Variants in PIK3C3 observed in about 807,000 individuals in gnomAD.
PIK3C3 encodes the protein phosphatidylinositol 3-kinase catalytic subunit type 3.
In PIK3C3, 95 loss-of-function variants were observed where a neutral mutation model predicts 126.1. The observed-to-expected ratio is 0.75, with a 90% CI of 0.64 to 0.89. The LOEUF is 0.89. PIK3C3 is among the 40% of genes least tolerant of loss of function. The probability of loss-of-function intolerance (pLI) is 0.00; values close to 1 mark genes in which losing one functional copy is unlikely to be tolerated. For synonymous variants in PIK3C3, 374 were observed against 360.0 expected (o/e 1.04, Z -0.44); for missense variants, 829 against 1,063.2 (o/e 0.78, Z 3.06).
chr18:42,062,691 C>G (rs772496899), intron 22 of PIK3C3, among the ~76,000 whole-genome samples: 9 of 151,894 alleles, frequency 5.9e-5, no homozygotes, highest in Non-Finnish European at 1.2e-4. Flanking sequence ...TGACTTTAAA[C>G]TAATATCACT....
intron 24 of PIK3C3, among the ~76,000 whole-genome samples, chr18:42,070,945 A>G (rs533690993): frequency 4.3e-4 from 66 of 152,346 alleles, no homozygotes; most frequent in African/African-American, 1.4e-3. Flanking sequence ...ACAGATTATT[A>G]TAATTCTTGA....
chr18:41,990,237 G>A (rs1447362322), intron 5 of PIK3C3, among the ~76,000 whole-genome samples: 3 of 152,216 alleles, frequency 2.0e-5, no homozygotes, highest in East Asian at 1.9e-4. Context: ...GCAGTTATAA[G>A]TGCATAGTAG....
At chr18:42,023,996 C>T (rs1369364276) in intron 13 of PIK3C3, among the ~76,000 whole-genome samples, 1 of 152,130 alleles carries the variant, frequency 6.6e-6, no homozygotes, top group Non-Finnish European at 1.5e-5. Flanking sequence ...GTTACAGTCT[C>T]CAGTTTGTAA....
chr18:42,069,639 CAG>C (rs1029704480), intron 24 of PIK3C3, among the ~76,000 whole-genome samples: 1 of 152,160 alleles, frequency 6.6e-6, no homozygotes, highest in Non-Finnish European at 1.5e-5. Flanking sequence ...ATTTCTGTAG[CAG>C]GGGATTTACC....
intron 13 of PIK3C3, among the ~76,000 whole-genome samples, chr18:42,020,912 A>G (rs568754180): frequency 2.0e-5 from 3 of 152,336 alleles, no homozygotes; most frequent in South Asian, 4.1e-4. Flanking sequence ...CACTAAGGAT[A>G]TAACTTTCCA....
At chr18:41,956,110 T>G (rs1009128012) in intron 1 of PIK3C3, among the ~76,000 whole-genome samples, 1 of 152,174 alleles carries the variant, frequency 6.6e-6, no homozygotes, top group African/African-American at 2.4e-5. Flanking sequence ...GTCAAAGCTA[T>G]CACAAATTAT....
At chr18:41,990,407 TA>T in intron 5 of PIK3C3, 51 bp from the exon 6 acceptor site, 1 of 1,039,224 alleles carries the variant, frequency 9.6e-7, no homozygotes, top group South Asian at 1.3e-5. Flanking sequence ...ACTGATCCTT[TA>T]AGAGAATGTT....
At chr18:42,004,821 C>G (rs867966207) in intron 10 of PIK3C3, among the ~76,000 whole-genome samples, 14 of 152,142 alleles carry the variant, frequency 9.2e-5, no homozygotes, top group Admixed American at 2.0e-4. Context: ...TTGTATTGCT[C>G]TGTCTGGAAG....
chr18:41,969,603 T>G (rs2144310196), intron 3 of PIK3C3, among the ~76,000 whole-genome samples: 1 of 152,362 alleles, frequency 6.6e-6, no homozygotes, highest in South Asian at 2.1e-4. Context: ...TTTGTATGAA[T>G]CTACTATTGT....
In PIK3C3 at chr18:42,054,144, A is replaced by G. The variant is rs1260186388; in HGVS notation, c.2264-3739A>G. On this transcript the variant is annotated intron_variant, in intron 21 of 24. Coordinates refer to ENST00000262039, the MANE Select transcript of PIK3C3 (RefSeq NM_002647.4). Reference sequence around the variant, plus strand: ...ACTAATGGTATATATATATATATATATATATATATATATATATATATATAT... The same window carrying G: ...ACTAATGGTATATATATATATATATGTATATATATATATATATATATATAT... 2.1e-3 allele frequency among the ~76,000 whole-genome samples: 38 copies of G among 17,908 alleles called. 2 individuals are homozygous for G. Among genetic ancestry groups the G allele is most frequent in the East Asian group, 7.2e-3 (5 of 698 alleles). 11.7% of individuals were successfully genotyped at this position (17,908 alleles called of 152,430 possible).
chr18:42,013,343 A>G (rs1048365880), intron 10 of PIK3C3, 99 bp from the exon 11 acceptor site: 2 of 743,110 alleles, frequency 2.7e-6, no homozygotes, highest in African/African-American at 3.7e-5. Flanking sequence ...AAAGTGATAG[A>G]TAAAAGTAAA....
chr18:41,986,300 T>C (rs185862968), intron 4 of PIK3C3, among the ~76,000 whole-genome samples: 1 of 152,172 alleles, frequency 6.6e-6, no homozygotes, highest in Non-Finnish European at 1.5e-5. Context: ...AAACTCTTAT[T>C]ACTAATTTTT....
intron 21 of PIK3C3, among the ~76,000 whole-genome samples, chr18:42,054,581 C>T (rs1230942591): frequency 6.6e-6 from 1 of 152,086 alleles, no homozygotes. Context: ...ATCACAGCTT[C>T]TATCCTGATT....
At chr18:41,961,901 G>A (rs9962719) in intron 2 of PIK3C3, among the ~76,000 whole-genome samples, 85 of 152,198 alleles carry the variant, frequency 5.6e-4, no homozygotes, top group African/African-American at 2.0e-3. Context: ...TGCTTTGAAA[G>A]CATAAAGCAC....
rs1408504973 is a variant in PIK3C3 at position 42,084,846 on chromosome 18, G to A, written c.*3709G>A. The A allele has an allele frequency of 1.3e-5, 2 of 152,204 alleles. No individual in the cohort carries two copies. Among genetic ancestry groups the A allele is most frequent in the African/African-American group, 4.8e-5 (2 of 41,450 alleles). 9.4% of individuals were successfully genotyped at this position (152,204 alleles called of 1,614,324 possible). A position where few individuals can be genotyped will look rare whatever the true frequency, so the allele number is the denominator to read the frequency against. On this transcript the variant is annotated 3_prime_UTR_variant, in exon 25 of 25. Coordinates refer to ENST00000262039, the MANE Select transcript of PIK3C3 (RefSeq NM_002647.4). ...ATCAATCTGCAGGTGGGCCTTGTGA[G>A]TTTTCCCAGGGGATTCCGATGCCTG...
chr18:42,016,530 C>T (rs539672325), intron 12 of PIK3C3, among the ~76,000 whole-genome samples: 1 of 152,060 alleles, frequency 6.6e-6, no homozygotes, highest in Non-Finnish European at 1.5e-5. Context: ...CAATGTTTGC[C>T]TTCATAGAGG....
At chr18:41,979,057 C>T (rs1249449219) in intron 4 of PIK3C3, among the ~76,000 whole-genome samples, 4 of 129,788 alleles carry the variant, frequency 3.1e-5, no homozygotes, top group East Asian at 2.4e-4. Flanking sequence ...TAAGAGACCC[C>T]GTCTCTTAAA....
intron 3 of PIK3C3, among the ~76,000 whole-genome samples, chr18:41,969,243 T>C (rs1210290484): frequency 6.6e-6 from 1 of 152,172 alleles, no homozygotes; most frequent in Admixed American, 6.5e-5. Flanking sequence ...TCTTTTTATT[T>C]CTAAGAGTAA....
chr18:41,965,617 T>C (rs2144301491), intron 3 of PIK3C3, among the ~76,000 whole-genome samples: 1 of 152,300 alleles, frequency 6.6e-6, no homozygotes, highest in Middle Eastern at 3.4e-3. Flanking sequence ...TGAGTGAGTC[T>C]GTGAAAGGGA....
Sources: allele counts gnomAD v4.1 joint callset (sites outside exome capture counted in the v4.1 genomes callset), GRCh38; gene constraint gnomAD v4.1.1; transcripts MANE v1.5; gene names NCBI Gene and HGNC (gene_info 2026-07-23, HGNC 2026-07-21).